Variants in TAF5L observed in about 807,000 individuals in gnomAD.
TAF5L encodes the protein TATA-box binding protein associated factor 5 like.
TAF5L carries 7 observed loss-of-function variants against 51.3 expected under a neutral mutation model. The observed-to-expected ratio is 0.14, with a 90% CI of 0.08 to 0.26. TAF5L has a LOEUF of 0.26. Ranked by LOEUF, TAF5L falls within the 10% of genes least tolerant of loss-of-function variation. TAF5L has a pLI of 1.00. For synonymous variants in TAF5L, 291 were observed against 308.1 expected, an observed-to-expected ratio of 0.94 and a Z score of 0.58; for missense variants, 575 against 758.9, an observed-to-expected ratio of 0.76 and a Z score of 2.85.
intron 3 of TAF5L, among the ~76,000 whole-genome samples, chr1:229,605,567 C>T (rs1404876929): frequency 6.6e-6 from 1 of 151,574 alleles, no homozygotes; most frequent in Non-Finnish European, 1.5e-5. Context: ...GCCCACGGCA[C>T]ACAGATATTC....
chr1:229,600,899 A>T, intron 4 of TAF5L: 1 of 985,264 alleles, frequency 1.0e-6, no homozygotes, highest in Non-Finnish European at 1.2e-6. Flanking sequence ...CATCAAAGCT[A>T]ATAAGGTCAG....
chr1:229,600,430 C>A, intron 4 of TAF5L: 1 of 985,352 alleles, frequency 1.0e-6, no homozygotes, highest in Non-Finnish European at 1.2e-6. Context: ...CCAATGACGT[C>A]TTTTGCTTTC....
intron 3 of TAF5L, among the ~76,000 whole-genome samples, chr1:229,609,762 T>C (rs902664177): frequency 2.0e-5 from 3 of 152,200 alleles, no homozygotes; most frequent in South Asian, 2.1e-4. Context: ...ACTTATTCAA[T>C]ACAAGTCACA....
chr1:229,614,347 G>A, exon 2 of TAF5L: 1 of 1,614,216 alleles, frequency 6.2e-7, no homozygotes, highest in Middle Eastern at 1.6e-4. Flanking sequence ...TTACCTGTTA[G>A]ATTGGCCGCC....
At chr1:229,619,597 A>G (rs2102765651) in intron 1 of TAF5L, among the ~76,000 whole-genome samples, 1 of 152,242 alleles carries the variant, frequency 6.6e-6, no homozygotes, top group African/African-American at 2.4e-5. Context: ...TTCATCAACT[A>G]CTTACCCTAC....
intron 1 of TAF5L, among the ~76,000 whole-genome samples, chr1:229,623,276 AAAAAC>A (rs957913467): frequency 5.3e-5 from 8 of 152,252 alleles, no homozygotes; most frequent in South Asian, 2.1e-4. Context: ...CTCCGTCTCC[AAAAAC>A]AAAACAAAAC....
chr1:229,614,886 T>C (rs1368040746), intron 1 of TAF5L, among the ~76,000 whole-genome samples: 1 of 152,136 alleles, frequency 6.6e-6, no homozygotes, highest in East Asian at 1.9e-4. Context: ...GAGGCGTTAA[T>C]TAGCAGTGAA....
intron 1 of TAF5L, among the ~76,000 whole-genome samples, chr1:229,621,857 C>T (rs936312422): frequency 5.3e-5 from 8 of 152,080 alleles, no homozygotes; most frequent in Non-Finnish European, 7.4e-5. Context: ...TGAATTAAGC[C>T]ACTATGAATC....
intron 3 of TAF5L, chr1:229,606,388 T>C: frequency 1.0e-6 from 1 of 975,266 alleles, no homozygotes; most frequent in African/African-American, 1.8e-5. Flanking sequence ...CTTCCTTCTA[T>C]CTACCCACTG....
intron 1 of TAF5L, among the ~76,000 whole-genome samples, chr1:229,617,679 T>C (rs1236910703): frequency 6.6e-6 from 1 of 152,150 alleles, no homozygotes; most frequent in African/African-American, 2.4e-5. Flanking sequence ...TGCGACAATA[T>C]ACCTATGTGT....
chr1:229,597,055 T>C (rs1225010090), intron 4 of TAF5L, among the ~76,000 whole-genome samples: 1 of 152,248 alleles, frequency 6.6e-6, no homozygotes, highest in Non-Finnish European at 1.5e-5. Context: ...TACTGAGTGC[T>C]ACCAAGAATA....
chr1:229,593,857 G>C (rs75246000), exon 5 of TAF5L: 1 of 153,312 alleles, frequency 6.5e-6, no homozygotes, highest in East Asian at 1.9e-4. Context: ...CCTCATTCCC[G>C]CCCCACATCC....
rs1665387990 is a variant in TAF5L at position 229,625,127 on chromosome 1, G to A, written c.-4+758C>T. 6.6e-6 allele frequency among the ~76,000 whole-genome samples: 1 copy of A among 152,212 alleles called. No individual in the cohort carries two copies. Among genetic ancestry groups the A allele is most frequent in the African/African-American group, 2.4e-5 (1 of 41,446 alleles). ...GACTTTCACAACTGATGGGAGAACT[G>A]CATGTAGCGTTCCTGCACTCCACTT... On this transcript the variant is annotated intron_variant, in intron 1 of 4. Transcript: ENST00000258281. This position sits in a 1 kb window ranked among gnomAD's most constrained non-coding sequence, Gnocchi z 4.0.
intron 4 of TAF5L, chr1:229,601,600 T>A (rs1664375765): frequency 2.0e-6 from 2 of 985,876 alleles, no homozygotes; most frequent in Admixed American, 1.2e-4. Context: ...AGCTGGCAAC[T>A]CTACTTCCTG....
chr1:229,618,431 T>C (rs1366581152), intron 1 of TAF5L, among the ~76,000 whole-genome samples: 3 of 152,260 alleles, frequency 2.0e-5, no homozygotes, highest in Non-Finnish European at 4.4e-5. Context: ...ACACAATGTA[T>C]ATCTATTCTC....
intron 4 of TAF5L, chr1:229,599,227 CAG>C (rs1304282803): frequency 8.6e-6 from 8 of 925,836 alleles, no homozygotes; most frequent in East Asian, 1.2e-4. Context: ...GCATAATTAA[CAG>C]AGAAAATTTT....
At chr1:229,595,638 G>A (rs1474171594) in intron 4 of TAF5L, among the ~76,000 whole-genome samples, 2 of 152,098 alleles carry the variant, frequency 1.3e-5, no homozygotes, top group Admixed American at 6.5e-5. Context: ...TGGACACAGC[G>A]ACACATGAAG....
In TAF5L at chr1:229,602,731, T is replaced by C. The variant is rs200722794; in HGVS notation, c.436A>G (p.Ile146Val). ...TTGAAGTTAGATAGGATGTCCTGGA[T>C]GGTTTGAGTGGTCTGTAGCTGCTCA... Residue 146 changes from isoleucine to valine, a missense_variant, in exon 4 of 5, where the codon ATC becomes GTC. This residue lies in a region of TAF5L where 380 missense variants were observed against 443.7 expected (regional missense o/e 0.86). Coordinates refer to ENST00000258281, the Ensembl canonical transcript of TAF5L. The surrounding 1 kb of genome is among the most constrained non-coding windows in gnomAD (Gnocchi z 4.6). 8.7e-6 allele frequency: 14 copies of C among 1,613,952 alleles called. No homozygotes were observed. In the African/African-American group the frequency reaches 1.7e-4, roughly 20 times the overall value.
chr1:229,599,719 T>G (rs1228231390), intron 4 of TAF5L: 1 of 725,816 alleles, frequency 1.4e-6, no homozygotes, highest in African/African-American at 1.9e-5. Context: ...TTTTTGGCTA[T>G]TGTGAATAAT....
Sources: allele counts gnomAD v4.1 joint callset (sites outside exome capture counted in the v4.1 genomes callset), GRCh38; gene constraint gnomAD v4.1.1; regional missense constraint gnomAD v4.1.1; non-coding constraint Gnocchi (gnomAD v3.1); transcripts MANE v1.5; gene names NCBI Gene and HGNC (gene_info 2026-07-23, HGNC 2026-07-21).